Variants in DAB1 observed in about 807,000 individuals in gnomAD.
DAB1 encodes DAB adaptor protein 1.
DAB1 carries 15 observed loss-of-function variants against 64.6 expected under a neutral mutation model. The ratio of observed to expected loss-of-function variants is 0.23; its 90% CI spans 0.16 to 0.36. DAB1 has a LOEUF of 0.36. Among genes scored for constraint, DAB1 ranks in the 10% least tolerant of loss-of-function variants. The pLI is 1.00. For synonymous variants in DAB1, 235 were observed against 251.9 expected (o/e 0.93, Z 0.64); for missense variants, 596 against 706.7 (o/e 0.84, Z 1.78).
At chr1:58,508,118 G>T (rs1646017855) in intron 2 of DAB1, among the ~76,000 whole-genome samples, 3 of 152,056 alleles carry the variant, frequency 2.0e-5, no homozygotes, top group African/African-American at 7.2e-5. Context: ...AATAGAAAAA[G>T]AAATTAATTA....
chr1:57,838,766 T>C (rs1351355232), intron 1 of DAB1, among the ~76,000 whole-genome samples: 1 of 148,422 alleles, frequency 6.7e-6, no homozygotes, highest in Non-Finnish European at 1.5e-5. Context: ...TTATTTTCTT[T>C]CTTCCTTTTT....
At chr1:57,886,553 A>G (rs1398372487), upstream of DAB1, among the ~76,000 whole-genome samples, 1 of 152,112 alleles carries the variant, frequency 6.6e-6, no homozygotes, top group African/African-American at 2.4e-5. Context: ...CGTATACTTC[A>G]TATCTCATTT....
intron 5 of DAB1, among the ~76,000 whole-genome samples, chr1:58,136,960 A>C (rs1409846176): frequency 6.6e-6 from 1 of 152,202 alleles, no homozygotes; most frequent in Non-Finnish European, 1.5e-5. Context: ...GAGACAAATA[A>C]AGAATCATTG....
chr1:57,502,763 T>C (rs1644304736), intron 7 of DAB1, among the ~76,000 whole-genome samples: 1 of 152,224 alleles, frequency 6.6e-6, no homozygotes, highest in South Asian at 2.1e-4. Flanking sequence ...GGGAGCTCTT[T>C]AATTTGGAGC....
At chr1:57,731,145 G>C (rs1000422217) in intron 6 of DAB1, among the ~76,000 whole-genome samples, 2 of 152,202 alleles carry the variant, frequency 1.3e-5, no homozygotes, top group African/African-American at 4.8e-5. Flanking sequence ...GCCTTGAAAA[G>C]CAAGGAAATT....
At chr1:57,211,457 A>T in intron 2 of DAB1, among the ~76,000 whole-genome samples, 1 of 152,140 alleles carries the variant, frequency 6.6e-6, no homozygotes, top group South Asian at 2.1e-4. Flanking sequence ...AGGGAAGAGT[A>T]TGGGGCTGGG....
chr1:57,688,243 A>G (rs1011990040), intron 6 of DAB1, among the ~76,000 whole-genome samples: 17 of 152,158 alleles, frequency 1.1e-4, no homozygotes, highest in African/African-American at 3.9e-4. Context: ...CCTCCAAAAA[A>G]ATGGGCAAAG....
At chr1:58,294,865 C>CGTGT (rs55922554) in intron 4 of DAB1, among the ~76,000 whole-genome samples, 25,363 of 137,552 alleles carry the variant, frequency 0.18, 2,720 homozygotes, top group Admixed American at 0.24. Flanking sequence ...TGGTCCAGAA[C>CGTGT]GTGTGTGTGT....
intron 2 of DAB1, among the ~76,000 whole-genome samples, chr1:58,521,138 G>T (rs1028961450): frequency 1.3e-5 from 2 of 152,030 alleles, no homozygotes; most frequent in African/African-American, 4.8e-5. Flanking sequence ...AAAACAAAAG[G>T]TAACTTTAAA....
At chr1:58,034,182 G>A (rs150109980) in intron 5 of DAB1, among the ~76,000 whole-genome samples, 4 of 152,256 alleles carry the variant, frequency 2.6e-5, no homozygotes, top group South Asian at 4.1e-4. Context: ...TCTGTTGCTC[G>A]CTTGCTCGGA....
At chr1:57,113,945 A>G (rs754485030) in intron 4 of DAB1, among the ~76,000 whole-genome samples, 1 of 152,226 alleles carries the variant, frequency 6.6e-6, no homozygotes, top group South Asian at 2.1e-4. Context: ...CAAAATGCAC[A>G]TACTCTTAGA....
intron 4 of DAB1, among the ~76,000 whole-genome samples, chr1:58,201,025 T>TTG (rs1002830502): frequency 7.9e-5 from 12 of 151,634 alleles, no homozygotes; most frequent in African/African-American, 1.5e-4. Flanking sequence ...TTGTTTTGTT[T>TTG]TTTTTTTTTG....
chr1:58,535,261 T>G (rs1646497781), intron 1 of DAB1, among the ~76,000 whole-genome samples: 1 of 152,208 alleles, frequency 6.6e-6, no homozygotes, highest in African/African-American at 2.4e-5. Context: ...AAAAATGTTC[T>G]GAAATATTAC....
In DAB1 at chr1:57,799,235, T is replaced by A. The variant is rs547744619; in HGVS notation, n.551+84764A>T. Among the ~76,000 whole-genome samples, 390 of 152,342 alleles carry A rather than the reference T, an allele frequency of 2.6e-3. 2 individuals carry two copies. The highest frequency in any genetic ancestry group is 9.1e-3 in the African/African-American group (380 of 41,580). ...TTAGGGAGAGTAGTTATAGAGCAGC[T>A]AGGGAAGGGTTTCCTCAGTATCCTC... On this transcript the variant is annotated intron_variant and non_coding_transcript_variant, in intron 6 of 20. Transcript: ENST00000485760.
Position 57,940,432 on chromosome 1 carries a change from G to A in DAB1, n.388-56270C>T, listed in dbSNP as rs533879227. 2.0e-5 allele frequency among the ~76,000 whole-genome samples: 3 copies of A among 152,292 alleles called. No individual in the cohort carries two copies. The South Asian group carries it at 6.2e-4, about 32-fold the overall frequency. Reference sequence around the variant, plus strand: ...CCTTACCTTCTCACTTTATAGAAAGGCAGGGCAGAGGTTCAAATAAGTTAA... The same window carrying A: ...CCTTACCTTCTCACTTTATAGAAAGACAGGGCAGAGGTTCAAATAAGTTAA... On this transcript the variant is annotated intron_variant and non_coding_transcript_variant, in intron 5 of 20. Transcript: ENST00000485760.
chr1:57,069,842 C>A (rs1438434347), intron 7 of DAB1, among the ~76,000 whole-genome samples: 1 of 152,134 alleles, frequency 6.6e-6, no homozygotes, highest in Non-Finnish European at 1.5e-5. Context: ...GTTCAAAATC[C>A]TAAACAAACT....
intron 5 of DAB1, among the ~76,000 whole-genome samples, chr1:58,125,427 C>T (rs1430101943): frequency 2.0e-5 from 3 of 150,958 alleles, no homozygotes; most frequent in Admixed American, 6.6e-5. Flanking sequence ...ATAATACTTA[C>T]ATATCACTTG....
chr1:57,951,117 C>T (rs1645266970), intron 5 of DAB1, among the ~76,000 whole-genome samples: 1 of 151,830 alleles, frequency 6.6e-6, no homozygotes, highest in African/African-American at 2.4e-5. Context: ...TTATTAGACC[C>T]TGGCACAAGT....
chr1:57,065,916 A>AT (rs11406425), intron 8 of DAB1, among the ~76,000 whole-genome samples: 35,915 of 152,118 alleles, frequency 0.24, 4,583 homozygotes, highest in Middle Eastern at 0.32. Flanking sequence ...GTGATTTCCC[A>AT]GTGTCCAGTC....
Sources: gnomAD v4.1 joint callset for allele counts (sites outside exome capture counted in the v4.1 genomes callset) on GRCh38, gnomAD v4.1.1 for gene constraint, MANE v1.5 for transcripts, NCBI Gene and HGNC (gene_info 2026-07-23, HGNC 2026-07-21) for gene names.